Variants in XRCC4 observed in about 807,000 individuals in gnomAD.
XRCC4 encodes the protein X-ray repair cross complementing 4, also known as DNA repair protein XRCC4.
In XRCC4, 28 loss-of-function variants were observed where a neutral mutation model predicts 39.1. That is an observed-to-expected ratio of 0.72 (90% CI 0.53 to 0.98). The LOEUF is 0.98. XRCC4 is among the 50% of genes least tolerant of loss of function. The pLI is 0.00. For missense variants in XRCC4, 350 were observed against 376.4 expected (o/e 0.93, Z 0.58); for synonymous variants, 123 against 126.4 (o/e 0.97, Z 0.18).
intron 7 of XRCC4, among the ~76,000 whole-genome samples, chr5:83,313,617 G>A (rs2112102757): frequency 6.6e-6 from 1 of 152,136 alleles, no homozygotes; most frequent in South Asian, 2.1e-4. Flanking sequence ...CACTAACTCT[G>A]CTCCAGCCAC....
intron 7 of XRCC4, among the ~76,000 whole-genome samples, chr5:83,280,867 G>C (rs116770159): frequency 4.1e-4 from 62 of 152,222 alleles, no homozygotes; most frequent in African/African-American, 1.5e-3. Flanking sequence ...AAGTATGAGG[G>C]GCTTTATTCA....
intron 3 of XRCC4, among the ~76,000 whole-genome samples, chr5:83,189,896 T>C (rs1299270253): frequency 1.3e-5 from 2 of 152,214 alleles, no homozygotes; most frequent in South Asian, 2.1e-4. Context: ...AAACTCCGTC[T>C]CTACTAAAAA....
At chr5:83,248,044 A>C (rs571518721) in intron 6 of XRCC4, among the ~76,000 whole-genome samples, 3 of 152,210 alleles carry the variant, frequency 2.0e-5, no homozygotes, top group Admixed American at 6.5e-5. Flanking sequence ...CAGAAGTGAT[A>C]TCTTCATTGA....
chr5:83,301,644 TTGCCCA>T lies in XRCC4; in HGVS notation c.893+42972_893+42977del, dbSNP rs557905424. On this transcript the variant is annotated intron_variant, in intron 7 of 7. Transcript: ENST00000396027. ...TTTTGGTGTTTTAGTCATGAAGTCT[TTGCCCA>T]TGCCTATGCCCTGAATGGTATTGCC... is the stretch of plus-strand genomic sequence containing the variant. 5.9e-5 allele frequency among the ~76,000 whole-genome samples: 9 copies of T among 152,334 alleles called. No homozygotes were observed. In the South Asian group the frequency reaches 1.9e-3, roughly 32 times the overall value.
In XRCC4 at chr5:83,258,595, A is replaced by G. The variant is rs777977464; in HGVS notation, c.811A>G (p.Lys271Glu). The change falls in exon 7 of 8, where the codon AAA (lysine) becomes GAA (glutamate). Residue 271 changes from lysine to glutamate, a missense_variant. Physicochemically the swap from Lys to Glu is moderately conservative, Grantham distance 56. Coordinates refer to ENST00000396027, the MANE Select transcript of XRCC4 (RefSeq NM_003401.5). ...LDVTDIAPSR[K>E]RRQRMQRNLG... ...TGTCACTGATATTGCACCAAGTAGAAAAAGGAGACAGCGAATGCAAAGAAA... is the reference window on the plus strand; with the variant it reads ...TGTCACTGATATTGCACCAAGTAGAGAAAGGAGACAGCGAATGCAAAGAAA... 9 of 1,611,224 alleles carry G rather than the reference A, an allele frequency of 5.6e-6. No homozygotes were observed. The South Asian group carries it at 1.0e-4, about 18-fold the overall frequency.
intron 3 of XRCC4, among the ~76,000 whole-genome samples, chr5:83,177,520 G>C (rs1314608703): frequency 6.6e-6 from 1 of 150,942 alleles, no homozygotes; most frequent in African/African-American, 2.4e-5. Flanking sequence ...TGAGAAACGT[G>C]ATGAACAATA....
At chr5:83,256,429 G>C (rs1457404701) in intron 6 of XRCC4, among the ~76,000 whole-genome samples, 1 of 152,036 alleles carries the variant, frequency 6.6e-6, no homozygotes, top group East Asian at 1.9e-4. Flanking sequence ...ATTTTGCCTT[G>C]TATTTTAATT....
chr5:83,227,135 T>G (rs1156786837), intron 6 of XRCC4, among the ~76,000 whole-genome samples: 1 of 152,150 alleles, frequency 6.6e-6, no homozygotes, highest in Non-Finnish European at 1.5e-5. Context: ...TTAGTTTTTG[T>G]TCTTTACCCA....
intron 6 of XRCC4, among the ~76,000 whole-genome samples, chr5:83,253,075 G>A (rs912287120): frequency 6.6e-6 from 1 of 152,198 alleles, no homozygotes; most frequent in African/African-American, 2.4e-5. Context: ...ACTAAACTAG[G>A]ATGACTGAAA....
chr5:83,294,068 T>C (rs1008370064), intron 7 of XRCC4, among the ~76,000 whole-genome samples: 32 of 151,792 alleles, frequency 2.1e-4, no homozygotes, highest in African/African-American at 7.7e-4. Flanking sequence ...CTTTTAATCA[T>C]AAATAGGTAT....
At chr5:83,141,639 C>CTT (rs28360069) in intron 3 of XRCC4, among the ~76,000 whole-genome samples, 39 of 151,388 alleles carry the variant, frequency 2.6e-4, no homozygotes, top group African/African-American at 6.3e-4. Flanking sequence ...TCTTTTTCCT[C>CTT]TTTTTTTTCT....
chr5:83,351,067 C>T (rs1297695641), intron 7 of XRCC4, among the ~76,000 whole-genome samples: 1 of 152,032 alleles, frequency 6.6e-6, no homozygotes, highest in Non-Finnish European at 1.5e-5. Flanking sequence ...AGACAGATTT[C>T]CCCCTTGCCA....
chr5:83,125,989 A>T (rs1488749190), intron 3 of XRCC4, among the ~76,000 whole-genome samples: 1 of 38,636 alleles, frequency 2.6e-5, no homozygotes, highest in African/African-American at 2.2e-4. Flanking sequence ...ATCTCATCAA[A>T]AAAAAAAAAA....
chr5:83,110,584 T>C (rs533637570), intron 2 of XRCC4, among the ~76,000 whole-genome samples: 3 of 152,176 alleles, frequency 2.0e-5, no homozygotes, highest in African/African-American at 7.2e-5. Flanking sequence ...AATAGTGAGC[T>C]CCACTTTTGC....
intron 1 of XRCC4, among the ~76,000 whole-genome samples, chr5:83,097,382 A>G (rs545500061): frequency 6.0e-5 from 9 of 150,976 alleles, no homozygotes; most frequent in Non-Finnish European, 1.2e-4. Context: ...TAAGTTGCTC[A>G]GTCCTATCAC....
intron 3 of XRCC4, among the ~76,000 whole-genome samples, chr5:83,189,101 T>C (rs752894390): frequency 1.3e-5 from 2 of 152,208 alleles, no homozygotes; most frequent in Non-Finnish European, 2.9e-5. Flanking sequence ...CAATATAATG[T>C]TTCATTTTTA....
intron 3 of XRCC4, among the ~76,000 whole-genome samples, chr5:83,150,471 C>A (rs542670304): frequency 1.2e-4 from 19 of 152,200 alleles, no homozygotes; most frequent in Non-Finnish European, 1.9e-4. Context: ...ACATGGAGTT[C>A]TGAGTATTTC....
chr5:83,082,586 A>G (rs1744995728), intron 1 of XRCC4, among the ~76,000 whole-genome samples: 1 of 152,230 alleles, frequency 6.6e-6, no homozygotes, highest in Non-Finnish European at 1.5e-5. Flanking sequence ...TTTGATTCAT[A>G]GTAGAAGCTA....
At chr5:83,182,842 C>T (rs747452994) in intron 3 of XRCC4, among the ~76,000 whole-genome samples, 1 of 152,078 alleles carries the variant, frequency 6.6e-6, no homozygotes, top group Non-Finnish European at 1.5e-5. Context: ...GAGGAACAAG[C>T]CCTCTCCAGA....
Sources: allele counts gnomAD v4.1 joint callset (sites outside exome capture counted in the v4.1 genomes callset), GRCh38; gene constraint gnomAD v4.1.1; transcripts MANE v1.5; gene names NCBI Gene and HGNC (gene_info 2026-07-23, HGNC 2026-07-21).